Variants in GRM7 observed in about 807,000 individuals in gnomAD.
The protein encoded by GRM7 is glutamate metabotropic receptor 7, also known as metabotropic glutamate receptor 7.
A neutral mutation model predicts 84.5 loss-of-function variants in GRM7; 35 were observed. The observed-to-expected ratio is 0.41, with a 90% confidence interval of 0.32 to 0.55. The LOEUF (loss-of-function observed/expected upper bound fraction) is 0.55, where lower values mean the gene tolerates loss of function less well. GRM7 is among the 20% of genes least tolerant of loss of function. The pLI is 0.19. For missense variants in GRM7, 1,003 were observed against 1,194.6 expected, an observed-to-expected ratio of 0.84 and a Z score of 2.36; for synonymous variants, 487 against 455.1, an observed-to-expected ratio of 1.07 and a Z score of -0.89.
chr3:7,234,886 G>T (rs757099261), intron 2 of GRM7, among the ~76,000 whole-genome samples: 23 of 152,110 alleles, frequency 1.5e-4, no homozygotes, highest in Non-Finnish European at 3.1e-4. Context: ...AGATCAAAAA[G>T]TCCTTCATTA....
At chr3:7,727,434 G>A (rs529413677) in intron 9 of GRM7, among the ~76,000 whole-genome samples, 36 of 152,128 alleles carry the variant, frequency 2.4e-4, no homozygotes, top group Non-Finnish European at 3.8e-4. Context: ...AAGACACCCT[G>A]AAATTCACTG....
intron 7 of GRM7, among the ~76,000 whole-genome samples, chr3:7,485,964 T>C (rs1166016391): frequency 8.5e-5 from 13 of 152,176 alleles, no homozygotes. Flanking sequence ...AAGGTGCCTT[T>C]AACATATTAA....
intron 2 of GRM7, among the ~76,000 whole-genome samples, chr3:7,191,594 A>G (rs1166045608): frequency 1.3e-5 from 2 of 151,546 alleles, no homozygotes; most frequent in East Asian, 3.9e-4. Flanking sequence ...AAAAGCTACA[A>G]CTTGGATAAA....
intron 8 of GRM7, among the ~76,000 whole-genome samples, chr3:7,646,820 A>G (rs556305285): frequency 6.6e-6 from 1 of 152,312 alleles, no homozygotes; most frequent in Non-Finnish European, 1.5e-5. Context: ...TTCCTAGTCT[A>G]AAGGAAGTAA....
rs1264888411 is a variant in GRM7 at position 6,885,042 on chromosome 3, A to T, written c.519+23135A>T. Among the ~76,000 whole-genome samples, 3 of 152,182 alleles carry T rather than the reference A, an allele frequency of 2.0e-5. No individual in the cohort carries two copies. The East Asian group carries it at 5.8e-4, about 29-fold the overall frequency. On this transcript the variant is annotated intron_variant, in intron 1 of 9. Transcript: ENST00000357716. ...TGGAAAATTTGCATTAATGAAATAA[A>T]GCATTCTTAGTATAATAAGTCTGAG... is the stretch of plus-strand genomic sequence containing the variant.
chr3:6,949,849 A>C (rs1046374557), intron 1 of GRM7, among the ~76,000 whole-genome samples: 4 of 152,186 alleles, frequency 2.6e-5, no homozygotes, highest in Non-Finnish European at 4.4e-5. Context: ...TGATCACATC[A>C]GTTACTGAGG....
chr3:7,388,421 GC>G (rs1694868100), intron 4 of GRM7, among the ~76,000 whole-genome samples: 1 of 151,982 alleles, frequency 6.6e-6, no homozygotes, highest in Non-Finnish European at 1.5e-5. Context: ...TTGTTTTCTT[GC>G]CAAATTTTGG....
In GRM7 at chr3:7,407,696, T is replaced by G. The variant is rs570271936; in HGVS notation, c.1034-7327T>G. ...ATGAAATAATAAGCAAATTAAAAAG[T>G]ATAGTTTGATAGCAAAACAAAAGTG... On this transcript the variant is annotated intron_variant, in intron 4 of 9. Coordinates refer to ENST00000357716, the MANE Select transcript of GRM7 (RefSeq NM_000844.4). Among the ~76,000 whole-genome samples the G allele has an allele frequency of 3.3e-3, 498 of 152,280 alleles. 2 individuals carry two copies. Among genetic ancestry groups the G allele is most frequent in the Middle Eastern group, 0.014 (4 of 294 alleles).
At chr3:7,696,193 T>G (rs746691057) in intron 9 of GRM7, among the ~76,000 whole-genome samples, 19 of 152,212 alleles carry the variant, frequency 1.2e-4, no homozygotes, top group Non-Finnish European at 2.1e-4. Context: ...TTTGGACCCA[T>G]TTCTTTTGTA....
Position 7,002,783 on chromosome 3 carries a change from C to G in GRM7, c.519+140876C>G, listed in dbSNP as rs1154361. Among the ~76,000 whole-genome samples the G allele has an allele frequency of 6.5e-3, 996 of 152,236 alleles. 9 individuals are homozygous for G. The highest frequency in any genetic ancestry group is 0.031 in the East Asian group (159 of 5,186). ...AAGCAGTATGCTGAAGAGTTGTCTCCACTCCCATGTTCATTTAAGTACTAT... is the reference window on the plus strand; with the variant it reads ...AAGCAGTATGCTGAAGAGTTGTCTCGACTCCCATGTTCATTTAAGTACTAT... On this transcript the variant is annotated intron_variant, in intron 1 of 9. Coordinates refer to ENST00000357716, the MANE Select transcript of GRM7 (RefSeq NM_000844.4).
chr3:7,324,286 A>C (rs1362701275), intron 4 of GRM7, among the ~76,000 whole-genome samples: 2 of 152,188 alleles, frequency 1.3e-5, no homozygotes, highest in African/African-American at 4.8e-5. Context: ...ACAGTTTTCA[A>C]AGTTAATGTC....
chr3:7,190,730 G>A (rs1422572576), intron 2 of GRM7, among the ~76,000 whole-genome samples: 1 of 151,998 alleles, frequency 6.6e-6, no homozygotes, highest in Non-Finnish European at 1.5e-5. Context: ...AAATCATGGT[G>A]TCCTTAAGCA....
At chr3:7,613,243 G>A (rs1696927472) in intron 8 of GRM7, among the ~76,000 whole-genome samples, 2 of 152,156 alleles carry the variant, frequency 1.3e-5, no homozygotes, top group Non-Finnish European at 2.9e-5. Context: ...AATAGTGAAA[G>A]TGTTTGGTTT....
At chr3:7,263,245 T>C (rs1698505424) in intron 2 of GRM7, among the ~76,000 whole-genome samples, 1 of 152,174 alleles carries the variant, frequency 6.6e-6, no homozygotes, top group Non-Finnish European at 1.5e-5. Flanking sequence ...GGGACTGGTA[T>C]TGGGCCCTGG....
At chr3:7,028,761 C>A (rs1047609550) in intron 1 of GRM7, among the ~76,000 whole-genome samples, 16 of 152,166 alleles carry the variant, frequency 1.1e-4, no homozygotes, top group Non-Finnish European at 1.8e-4. Context: ...AATATCACTA[C>A]AGACCTATTA....
At chr3:7,205,011 C>G (rs574468371) in intron 2 of GRM7, among the ~76,000 whole-genome samples, 1 of 152,304 alleles carries the variant, frequency 6.6e-6, no homozygotes, top group East Asian at 1.9e-4. Flanking sequence ...AATATTATCT[C>G]TAAAAATAAC....
intron 2 of GRM7, among the ~76,000 whole-genome samples, chr3:7,147,546 A>G (rs1694150958): frequency 6.6e-6 from 1 of 152,188 alleles, no homozygotes; most frequent in African/African-American, 2.4e-5. Flanking sequence ...GCAAAGCAAT[A>G]GAAAGAGAGC....
intron 1 of GRM7, among the ~76,000 whole-genome samples, chr3:6,886,861 A>G (rs1213570456): frequency 6.6e-6 from 1 of 151,884 alleles, no homozygotes; most frequent in Non-Finnish European, 1.5e-5. Context: ...CATTTAATCT[A>G]TACTACACTA....
At chr3:6,868,490 C>T (rs1574945774) in intron 1 of GRM7, among the ~76,000 whole-genome samples, 1 of 152,108 alleles carries the variant, frequency 6.6e-6, no homozygotes, top group Admixed American at 6.5e-5. Flanking sequence ...TGCTTGTTCT[C>T]CCTTATACAA....
Sources: gnomAD v4.1 joint callset for allele counts (sites outside exome capture counted in the v4.1 genomes callset) on GRCh38, gnomAD v4.1.1 for gene constraint, MANE v1.5 for transcripts, NCBI Gene and HGNC (gene_info 2026-07-23, HGNC 2026-07-21) for gene names.